The following GUCY1A2 variants were observed in gnomAD, a reference collection of about 807,000 sequenced individuals.
GUCY1A2 encodes guanylate cyclase soluble subunit alpha-2.
In GUCY1A2, 27 loss-of-function variants were observed where a neutral mutation model predicts 63.5. That is an observed-to-expected ratio of 0.43 (90% CI 0.31 to 0.59). The LOEUF is 0.59. GUCY1A2 is among the 20% of genes least tolerant of loss of function. The probability of loss-of-function intolerance (pLI) is 0.11; values close to 1 mark genes in which losing one functional copy is unlikely to be tolerated. For missense variants in GUCY1A2, 768 were observed against 913.3 expected, an observed-to-expected ratio of 0.84 and a Z score of 2.05; for synonymous variants, 364 against 343.5, an observed-to-expected ratio of 1.06 and a Z score of -0.66.
rs75778358 is a variant in GUCY1A2 at position 106,681,184 on chromosome 11, C to T, written c.*6365G>A. On this transcript the variant is annotated 3_prime_UTR_variant, in exon 8 of 8. Coordinates refer to ENST00000526355, the MANE Select transcript of GUCY1A2 (RefSeq NM_000855.3). Reference sequence around the variant, plus strand: ...TATTTATTGTGCTACAGGTGACTTTCAGTCAATCATATTCTGAAGTCAAAA... The same window carrying T: ...TATTTATTGTGCTACAGGTGACTTTTAGTCAATCATATTCTGAAGTCAAAA... The T allele has an allele frequency of 9.2e-6, 2 of 217,188 alleles. No homozygotes were observed. Among genetic ancestry groups the T allele is most frequent in the African/African-American group, 4.5e-5 (2 of 44,550 alleles). 13.5% of individuals were successfully genotyped at this position (217,188 alleles called of 1,614,324 possible). A position where few individuals can be genotyped will look rare whatever the true frequency, so the allele number is the denominator to read the frequency against.
chr11:106,903,197 ATC>A (rs886187011), intron 4 of GUCY1A2, among the ~76,000 whole-genome samples: 2 of 152,078 alleles, frequency 1.3e-5, no homozygotes, highest in Non-Finnish European at 2.9e-5. Flanking sequence ...TAATTATTAC[ATC>A]TTCTGAAATG....
At chr11:106,848,426 C>A (rs1859306960) in intron 4 of GUCY1A2, among the ~76,000 whole-genome samples, 1 of 151,532 alleles carries the variant, frequency 6.6e-6, no homozygotes, top group South Asian at 2.1e-4. Context: ...ATTGGATACT[C>A]AACATGTACC....
chr11:106,839,256 T>C (rs2135442191), intron 4 of GUCY1A2, among the ~76,000 whole-genome samples: 1 of 152,158 alleles, frequency 6.6e-6, no homozygotes, highest in South Asian at 2.1e-4. Flanking sequence ...TTCTTGTTTT[T>C]GTCAGGTTTG....
intron 5 of GUCY1A2, among the ~76,000 whole-genome samples, chr11:106,788,414 T>C (rs1051180609): frequency 5.3e-5 from 8 of 152,216 alleles, no homozygotes; most frequent in African/African-American, 1.9e-4. Flanking sequence ...TTGTCCATTT[T>C]CACTTTCATT....
At chr11:106,926,908 T>C (rs771522489) in intron 4 of GUCY1A2, among the ~76,000 whole-genome samples, 8 of 151,014 alleles carry the variant, frequency 5.3e-5, no homozygotes, top group African/African-American at 1.9e-4. Flanking sequence ...CTATTTTCTC[T>C]ATTTTTAAAC....
intron 4 of GUCY1A2, among the ~76,000 whole-genome samples, chr11:106,910,813 A>G (rs1860283149): frequency 2.0e-5 from 3 of 152,184 alleles, no homozygotes; most frequent in Non-Finnish European, 4.4e-5. Flanking sequence ...AAAGACTTCA[A>G]CTTTGCTTGT....
At position 106,680,344 on chromosome 11, in the gene GUCY1A2, T is replaced by C. The variant is rs1348331414; in HGVS notation, c.*7205A>G. On this transcript the variant is annotated 3_prime_UTR_variant, in exon 8 of 8. Coordinates refer to ENST00000526355, the MANE Select transcript of GUCY1A2 (RefSeq NM_000855.3). Reference sequence around the variant, plus strand: ...AAAATATATTAAGTAGAATTCCTTCTTTATCTGCAAATAGCAAAAAGTCCA... The same window carrying C: ...AAAATATATTAAGTAGAATTCCTTCCTTATCTGCAAATAGCAAAAAGTCCA... 4.3e-5 allele frequency: 9 copies of C among 210,110 alleles called. No individual in the cohort carries two copies. The highest frequency in any genetic ancestry group is 7.7e-5 in the Non-Finnish European group (8 of 103,434). 13.0% of individuals were successfully genotyped at this position (210,110 alleles called of 1,614,324 possible).
intron 1 of GUCY1A2, among the ~76,000 whole-genome samples, chr11:106,993,332 T>C (rs1321500832): frequency 6.6e-6 from 1 of 152,200 alleles, no homozygotes; most frequent in Non-Finnish European, 1.5e-5. Context: ...GCTTTCTTTG[T>C]AGGTAGGCCT....
intron 4 of GUCY1A2, among the ~76,000 whole-genome samples, chr11:106,820,527 T>A (rs1389395424): frequency 6.6e-6 from 1 of 152,114 alleles, no homozygotes; most frequent in Non-Finnish European, 1.5e-5. Flanking sequence ...GCCTCCTGAG[T>A]AGCTGAAACT....
At chr11:106,856,069 A>C (rs535079711) in intron 4 of GUCY1A2, among the ~76,000 whole-genome samples, 2 of 151,298 alleles carry the variant, frequency 1.3e-5, no homozygotes, top group Admixed American at 1.3e-4. Context: ...GGGACTACAG[A>C]CATGTGCCAC....
chr11:107,015,348 T>C (rs879260965), intron 1 of GUCY1A2, among the ~76,000 whole-genome samples: 1 of 152,106 alleles, frequency 6.6e-6, no homozygotes. Context: ...CTGGATACAT[T>C]CTTTTCATCC....
At chr11:106,755,124 A>C (rs1354357560) in intron 6 of GUCY1A2, among the ~76,000 whole-genome samples, 4 of 152,056 alleles carry the variant, frequency 2.6e-5, no homozygotes, top group African/African-American at 9.7e-5. Context: ...CTGATTTTCT[A>C]ATTTATTTGC....
chr11:106,709,312 T>C (rs1174505048), intron 6 of GUCY1A2, among the ~76,000 whole-genome samples: 5 of 65,414 alleles, frequency 7.6e-5, no homozygotes, highest in Admixed American at 2.6e-4. Flanking sequence ...TATATTTATA[T>C]ATATTTATAT....
At chr11:106,878,679 T>C (rs1468051995) in intron 4 of GUCY1A2, among the ~76,000 whole-genome samples, 1 of 150,972 alleles carries the variant, frequency 6.6e-6, no homozygotes, top group Non-Finnish European at 1.5e-5. Context: ...TAATGGGTAC[T>C]AGGCCTAATA....
intron 4 of GUCY1A2, among the ~76,000 whole-genome samples, chr11:106,821,129 T>G (rs1169183877): frequency 6.6e-6 from 1 of 152,164 alleles, no homozygotes; most frequent in African/African-American, 2.4e-5. Context: ...TCATATAATA[T>G]TTAAAGGAAA....
chr11:106,952,702 A>G (rs1860927039), intron 3 of GUCY1A2, among the ~76,000 whole-genome samples: 1 of 151,408 alleles, frequency 6.6e-6, no homozygotes, highest in African/African-American at 2.4e-5. Context: ...CCAGGCTGGT[A>G]CACTCTCAGC....
intron 4 of GUCY1A2, among the ~76,000 whole-genome samples, chr11:106,856,824 G>A (rs1859443043): frequency 6.6e-6 from 1 of 152,130 alleles, no homozygotes; most frequent in Admixed American, 6.5e-5. Context: ...ACCAAAAGTA[G>A]AAGGCAGAGC....
chr11:106,721,830 T>C (rs1438231585), intron 6 of GUCY1A2, among the ~76,000 whole-genome samples: 2 of 152,206 alleles, frequency 1.3e-5, no homozygotes, highest in Non-Finnish European at 2.9e-5. Context: ...AATCCAATGG[T>C]GGGCTTCAAG....
intron 3 of GUCY1A2, among the ~76,000 whole-genome samples, chr11:106,941,915 T>C (rs1468757234): frequency 6.6e-6 from 1 of 152,186 alleles, no homozygotes; most frequent in Non-Finnish European, 1.5e-5. Context: ...GATTGGATGC[T>C]CAAGACTTGT....
Sources: gnomAD v4.1 joint callset for allele counts (sites outside exome capture counted in the v4.1 genomes callset) on GRCh38, gnomAD v4.1.1 for gene constraint, MANE v1.5 for transcripts, NCBI Gene and HGNC (gene_info 2026-07-23, HGNC 2026-07-21) for gene names.